The following SHROOM4 variants were observed in gnomAD, a reference collection of about 807,000 sequenced individuals.
The protein encoded by SHROOM4 is protein Shroom4.
In SHROOM4, 17 loss-of-function variants were observed where a neutral mutation model predicts 80.3. The ratio of observed to expected loss-of-function variants is 0.21; its 90% CI spans 0.14 to 0.32. The LOEUF (loss-of-function observed/expected upper bound fraction) is 0.32, where lower values mean the gene tolerates loss of function less well. SHROOM4 is among the 10% of genes least tolerant of loss of function. SHROOM4 has a pLI of 1.00. For synonymous variants in SHROOM4, 400 were observed against 437.5 expected (o/e 0.91, Z 1.07); for missense variants, 993 against 1,140.3 (o/e 0.87, Z 1.86).
intron 1 of SHROOM4, among the ~76,000 whole-genome samples, chrX:50,715,799 G>C (rs1040702201): frequency 5.5e-5 from 6 of 108,562 alleles, no homozygotes; most frequent in African/African-American, 2.0e-4. Context: ...ACGGTATCAA[G>C]GTTCCTCAAA....
rs17003365 is a variant in SHROOM4 at position 50,596,997 on chromosome X, T to C, written c.4213-33A>G. 0.011 allele frequency: 13,545 copies of C among 1,198,548 alleles called. 773 individuals carry two copies. The African/African-American group carries it at 0.18, about 16-fold the overall frequency. On this transcript the variant is annotated intron_variant, in intron 8 of 8. Transcript: ENST00000376020. ...AGCAGAGGACCAAGTAAGGGCTCTC[T>C]CAATTACCAGGCATCTGTCCAACAG...
downstream of SHROOM4, among the ~76,000 whole-genome samples, chrX:50,583,351 T>C (rs2147187655): frequency 9.0e-6 from 1 of 110,907 alleles, no homozygotes; most frequent in South Asian, 3.9e-4. Flanking sequence ...AGAATGTAAG[T>C]AGATGTGATG....
intron 1 of SHROOM4, among the ~76,000 whole-genome samples, chrX:50,712,781 A>T (rs1933850571): frequency 8.9e-6 from 1 of 111,734 alleles, no homozygotes; most frequent in Non-Finnish European, 1.9e-5. Context: ...GAATCCTGTC[A>T]TTTGGAAAAC....
chrX:50,812,132 C>G (rs1413705483), intron 1 of SHROOM4, among the ~76,000 whole-genome samples: 1 of 108,032 alleles, frequency 9.3e-6, no homozygotes, highest in East Asian at 2.9e-4. Flanking sequence ...GGCAGGTTGT[C>G]TAGGCAGACT....
At chrX:50,626,003 C>T (rs1461523897) in intron 5 of SHROOM4, among the ~76,000 whole-genome samples, 1 of 111,998 alleles carries the variant, frequency 8.9e-6, no homozygotes, top group African/African-American at 3.3e-5. Flanking sequence ...TATATTAATT[C>T]ATTTAGTCCT....
chrX:50,655,495 A>G (rs1023456082), intron 2 of SHROOM4, among the ~76,000 whole-genome samples: 1 of 106,738 alleles, frequency 9.4e-6, no homozygotes, highest in East Asian at 2.8e-4. Context: ...GTGTGTGTGT[A>G]TATATATATT....
chrX:50,804,331 C>T (rs1357728759), intron 1 of SHROOM4, among the ~76,000 whole-genome samples: 1 of 111,328 alleles, frequency 9.0e-6, no homozygotes, highest in Non-Finnish European at 1.9e-5. Context: ...TTCTGAATAC[C>T]GACCCAGTCC....
At chrX:50,617,977 C>T (rs1557251053) in intron 5 of SHROOM4, among the ~76,000 whole-genome samples, 1 of 111,506 alleles carries the variant, frequency 9.0e-6, no homozygotes, top group East Asian at 2.9e-4. Flanking sequence ...TTACACTGTG[C>T]AAGATGACCA....
intron 1 of SHROOM4, among the ~76,000 whole-genome samples, chrX:50,754,991 A>C (rs375517944): frequency 1.3e-3 from 145 of 112,309 alleles, no homozygotes; most frequent in African/African-American, 4.5e-3. Flanking sequence ...TGTCCTGTGA[A>C]AAGGCTATCT....
intron 2 of SHROOM4, among the ~76,000 whole-genome samples, chrX:50,694,936 G>GAA (rs782428169): frequency 1.0e-5 from 1 of 98,410 alleles, no homozygotes; most frequent in East Asian, 3.2e-4. Context: ...ATACGATAAA[G>GAA]AAAAAAAAAA....
chrX:50,638,403 A>G (rs1288483886), intron 2 of SHROOM4, 95 bp from the exon 3 acceptor site: 28 of 1,061,431 alleles, frequency 2.6e-5, no homozygotes, highest in Non-Finnish European at 3.6e-5. Flanking sequence ...TTCCTTCAGT[A>G]AAGTAGAACA....
At chrX:50,760,961 T>C (rs781818001) in intron 1 of SHROOM4, among the ~76,000 whole-genome samples, 2 of 112,021 alleles carry the variant, frequency 1.8e-5, no homozygotes, top group African/African-American at 6.5e-5. Flanking sequence ...TGTCCCTTCT[T>C]TACCGCCTTG....
At chrX:50,778,244 C>A (rs1312191132) in intron 1 of SHROOM4, among the ~76,000 whole-genome samples, 1 of 112,588 alleles carries the variant, frequency 8.9e-6, no homozygotes, top group African/African-American at 3.2e-5. Context: ...CTATGACATT[C>A]TTCAATTATC....
chrX:50,638,085 T>C lies in SHROOM4; in HGVS notation c.404+89A>G. ...TTTTCCATTATAGTACTTGAGGCTC[T>C]AACATCCAACAGGGACTAGAGCAGA... On this transcript the variant is annotated intron_variant, in intron 3 of 8. Coordinates refer to ENST00000376020, the MANE Select transcript of SHROOM4 (RefSeq NM_020717.5). 7.2e-6 allele frequency: 8 copies of C among 1,104,612 alleles called. No individual in the cohort carries two copies. In the South Asian group the frequency reaches 1.6e-4, roughly 22 times the overall value. The allele number at this position is 1,104,612 out of a possible 1,213,427, so 91.0% of individuals were successfully genotyped here.
chrX:50,662,711 C>A (rs1344421397), intron 2 of SHROOM4, among the ~76,000 whole-genome samples: 5 of 111,766 alleles, frequency 4.5e-5, no homozygotes, highest in African/African-American at 1.6e-4. Flanking sequence ...AAGTAACTTA[C>A]CAAAGGTCAT....
chrX:50,597,026 T>C, intron 8 of SHROOM4, 62 bp from the exon 9 acceptor site: 1 of 1,144,463 alleles, frequency 8.7e-7, no homozygotes. Context: ...CCAACAGTGC[T>C]GCCTAGCAGT....
rs1051210260 is a variant in SHROOM4 at position 50,797,488 on chromosome X, A to G, written c.117+16414T>C. On this transcript the variant is annotated intron_variant, in intron 1 of 8. Transcript: ENST00000376020. The stretch of plus-strand genomic sequence containing the variant: ...TATTGACATTTGCTTGTGTATGTAT[A>G]GAGAGGCTCTGAAAAGACACACAGA... Among the ~76,000 whole-genome samples the G allele has an allele frequency of 6.3e-5, 7 of 111,948 alleles. No homozygotes were observed. The East Asian group carries it at 1.7e-3, about 27-fold the overall frequency.
Position 50,607,981 on chromosome X carries a change from C to T in SHROOM4, c.3161G>A (p.Arg1054His), listed in dbSNP as rs369183562. 7.4e-6 allele frequency: 9 copies of T among 1,210,222 alleles called. No homozygotes were observed. Among genetic ancestry groups the T allele is most frequent in the African/African-American group, 5.2e-5 (3 of 57,216 alleles). ...SSLASMPHPLRSRAFSESHIS... is the reference protein window; with the variant it reads ...SSLASMPHPLHSRAFSESHIS... ...GTGACTCTCTGAGAAGGCACGGCTG[C>T]GCAGTGGGTGGGGCATGGAGGCAAG... The change falls in exon 6 of 9, where the codon CGC becomes CAC. Residue 1054 changes from arginine (R) to histidine (H), a missense_variant. Physicochemically the swap from Arg to His is conservative, Grantham distance 29. Coordinates refer to ENST00000376020, the MANE Select transcript of SHROOM4 (RefSeq NM_020717.5).
At chrX:50,761,305 C>T (rs1557268849) in intron 1 of SHROOM4, among the ~76,000 whole-genome samples, 5 of 111,714 alleles carry the variant, frequency 4.5e-5, no homozygotes, top group African/African-American at 3.3e-5. Context: ...TCTGTTCCTG[C>T]GTTAGTTTCC....
Sources: allele counts gnomAD v4.1 joint callset (sites outside exome capture counted in the v4.1 genomes callset), GRCh38; gene constraint gnomAD v4.1.1; transcripts MANE v1.5; gene names NCBI Gene and HGNC (gene_info 2026-07-23, HGNC 2026-07-21).